The following PDE1C variants were observed in gnomAD, a reference collection of about 807,000 sequenced individuals.
PDE1C encodes the protein phosphodiesterase 1C.
PDE1C carries 62 observed loss-of-function variants against 93.1 expected under a neutral mutation model. The observed-to-expected ratio is 0.67, with a 90% CI of 0.54 to 0.82. The LOEUF is 0.82. Ranked by LOEUF, PDE1C falls within the 40% of genes least tolerant of loss-of-function variation. PDE1C has a pLI of 0.00. For synonymous variants in PDE1C, 325 were observed against 310.1 expected (o/e 1.05, Z -0.50); for missense variants, 742 against 884.6 (o/e 0.84, Z 2.04).
chr7:32,007,303 TC>T (rs1446768895), intron 2 of PDE1C, among the ~76,000 whole-genome samples: 1 of 152,092 alleles, frequency 6.6e-6, no homozygotes, highest in Non-Finnish European at 1.5e-5. Context: ...CTAACTCTTT[TC>T]CCCCAAAGAG....
At chr7:31,696,943 C>A in the PDE1C span, 4 of 1,610,996 alleles carry the variant, frequency 2.5e-6, no homozygotes, top group Non-Finnish European at 3.4e-6. Context: ...CTGTTTCTCT[C>A]TGTGTTCCCC....
intron 2 of PDE1C, among the ~76,000 whole-genome samples, chr7:32,023,699 C>T (rs1028948562): frequency 2.0e-5 from 3 of 151,712 alleles, no homozygotes; most frequent in African/African-American, 7.3e-5. Context: ...TAAAAAACAT[C>T]TGTGAAATTA....
chr7:32,411,664 T>TCATA (rs1785173053), intron 1 of PDE1C, among the ~76,000 whole-genome samples: 1 of 152,196 alleles, frequency 6.6e-6, no homozygotes, highest in Non-Finnish European at 1.5e-5. Flanking sequence ...ACTGTACACT[T>TCATA]AGGCGACACT....
At chr7:31,865,370 T>C (rs1004630970) in intron 6 of PDE1C, among the ~76,000 whole-genome samples, 3 of 152,208 alleles carry the variant, frequency 2.0e-5, no homozygotes, top group African/African-American at 4.8e-5. Flanking sequence ...TTTAGTAACA[T>C]GTAAAGCAGT....
intron 1 of PDE1C, among the ~76,000 whole-genome samples, chr7:32,342,922 G>A (rs1783786359): frequency 6.6e-6 from 1 of 152,108 alleles, no homozygotes; most frequent in African/African-American, 2.4e-5. Flanking sequence ...GAAACTTAGG[G>A]TTCAAGTAAT....
chr7:31,949,719 T>C (rs1186242092), intron 2 of PDE1C, among the ~76,000 whole-genome samples: 1 of 152,090 alleles, frequency 6.6e-6, no homozygotes, highest in Non-Finnish European at 1.5e-5. Flanking sequence ...TTACATAAAA[T>C]TTCACCCAAA....
At chr7:31,725,049 A>G in the PDE1C span, among the ~76,000 whole-genome samples, 1 of 152,176 alleles carries the variant, frequency 6.6e-6, no homozygotes, top group Non-Finnish European at 1.5e-5. Context: ...GGTTCCCTTC[A>G]TTCCTTTGGA....
chr7:32,417,020 A>G (rs1785288701), intron 1 of PDE1C, among the ~76,000 whole-genome samples: 1 of 152,174 alleles, frequency 6.6e-6, no homozygotes, highest in African/African-American at 2.4e-5. Flanking sequence ...CAGCCGACAC[A>G]TAGCACAGAC....
chr7:31,840,191 T>C lies in PDE1C; in HGVS notation c.981-2220A>G, dbSNP rs529087346. On this transcript the variant is annotated intron_variant, in intron 9 of 17. Coordinates refer to ENST00000396191, the MANE Select transcript of PDE1C (RefSeq NM_001191057.4). ...CTTCTGATGGATATGTAGTGTTATC[T>C]CATCTTGGTTTTAATTTACATTTCT... is the stretch of plus-strand genomic sequence containing the variant. 2.0e-5 allele frequency among the ~76,000 whole-genome samples: 3 copies of C among 152,328 alleles called. No homozygotes were observed. In the East Asian group the frequency reaches 5.8e-4, roughly 29 times the overall value.
chr7:31,657,092 T>G, the PDE1C span, among the ~76,000 whole-genome samples: 5 of 5,072 alleles, frequency 9.9e-4, no homozygotes, highest in African/African-American at 3.0e-3. Context: ...ATTTTATATA[T>G]GATATATATA....
intron 3 of PDE1C, among the ~76,000 whole-genome samples, chr7:32,145,138 T>C (rs1156483147): frequency 3.3e-5 from 5 of 152,152 alleles, no homozygotes; most frequent in Non-Finnish European, 7.4e-5. Context: ...TATAAGAAGA[T>C]AACTGTGATG....
intron 3 of PDE1C, among the ~76,000 whole-genome samples, chr7:32,081,139 C>T (rs1796640740): frequency 6.6e-6 from 1 of 152,172 alleles, no homozygotes; most frequent in South Asian, 2.1e-4. Context: ...ATGTGGCTTC[C>T]CTGCTGCCTT....
upstream of PDE1C, chr7:32,070,472 G>T (rs1795912152): frequency 6.3e-7 from 1 of 1,577,190 alleles, no homozygotes; most frequent in Non-Finnish European, 8.6e-7. Flanking sequence ...CCCAGCTCGC[G>T]ATGCCCAGCC....
At chr7:32,368,545 G>T (rs904799445) in intron 1 of PDE1C, among the ~76,000 whole-genome samples, 1 of 152,144 alleles carries the variant, frequency 6.6e-6, no homozygotes, top group African/African-American at 2.4e-5. Flanking sequence ...TCATGGATTA[G>T]AAGAATTAAT....
At chr7:31,902,436 G>GA (rs1469151084) in intron 2 of PDE1C, among the ~76,000 whole-genome samples, 10 of 151,780 alleles carry the variant, frequency 6.6e-5, no homozygotes, top group African/African-American at 2.4e-4. Context: ...AGCAGCACAG[G>GA]AAAAAATGGT....
At chr7:31,765,640 G>T (rs1795094007) in intron 17 of PDE1C, among the ~76,000 whole-genome samples, 1 of 152,152 alleles carries the variant, frequency 6.6e-6, no homozygotes, top group Non-Finnish European at 1.5e-5. Flanking sequence ...GATCAAGTGG[G>T]ATAGGCTTCA....
chr7:31,741,135 ATGT>A, the PDE1C span, among the ~76,000 whole-genome samples: 1 of 151,546 alleles, frequency 6.6e-6, no homozygotes, highest in Non-Finnish European at 1.5e-5. Flanking sequence ...TTATAATATA[ATGT>A]TGTTTTGATC....
At chr7:31,678,961 T>C in the PDE1C span, among the ~76,000 whole-genome samples, 2 of 152,200 alleles carry the variant, frequency 1.3e-5, no homozygotes, top group Non-Finnish European at 2.9e-5. Context: ...TCTTGGATTG[T>C]GATGCGAATG....
intron 3 of PDE1C, among the ~76,000 whole-genome samples, chr7:32,094,191 C>T (rs959493365): frequency 6.6e-5 from 10 of 152,240 alleles, no homozygotes; most frequent in Non-Finnish European, 1.5e-4. Context: ...GTAGCCAATT[C>T]CAAGCTACCA....
Sources: allele counts gnomAD v4.1 joint callset (sites outside exome capture counted in the v4.1 genomes callset), GRCh38; gene constraint gnomAD v4.1.1; transcripts MANE v1.5; gene names NCBI Gene and HGNC (gene_info 2026-07-23, HGNC 2026-07-21).